Variants in SLPI observed in about 807,000 individuals in gnomAD.
SLPI encodes the protein antileukoproteinase.
In SLPI, 20 loss-of-function variants were observed where a neutral mutation model predicts 14.3. That is an observed-to-expected ratio of 1.40 (90% CI 0.99 to 2.04). The LOEUF (loss-of-function observed/expected upper bound fraction) is 2.04. Ranked by LOEUF, SLPI falls within the 30% of genes most tolerant of loss-of-function variation. SLPI has a pLI of 0.00. For synonymous variants in SLPI, 68 were observed against 54.8 expected (o/e 1.24, Z -1.07); for missense variants, 169 against 159.4 (o/e 1.06, Z -0.32).
Position 45,253,584 on chromosome 20 carries a change from G to C in SLPI, c.235C>G (p.Pro79Ala). Residue 79 changes from proline (P) to alanine (A), a missense_variant, in exon 2 of 4, where the codon CCA (proline) becomes GCA (alanine). Coordinates refer to ENST00000338380, the MANE Select transcript of SLPI (RefSeq NM_003064.4). ...GIKCLDPVDT[P>A]NPTRRKPGKC... ...TCCCCGACCTGCTTACTTGGGTTTG[G>C]GGTGTCAACAGGATCCAGGCATTTG... The C allele has an allele frequency of 6.2e-7, 1 of 1,613,668 alleles. No individual in the cohort carries two copies. The highest frequency in any genetic ancestry group is 8.5e-7 in the Non-Finnish European group (1 of 1,179,756).
chr20:45,252,876 G>T, intron 3 of SLPI, 126 bp downstream of exon 3: 1 of 999,402 alleles, frequency 1.0e-6, no homozygotes, highest in African/African-American at 1.6e-5. Context: ...TGAAGGACAA[G>T]GGAGTCAGAC....
intron 1 of SLPI, 123 bp from the exon 2 acceptor site, chr20:45,253,856 C>T: frequency 1.2e-6 from 1 of 810,628 alleles, no homozygotes; most frequent in South Asian, 1.8e-5. Context: ...CCACAAAGCC[C>T]AAAGGGTCAT....
chr20:45,253,488 C>A, intron 2 of SLPI, 87 bp downstream of exon 2: 1 of 1,285,140 alleles, frequency 7.8e-7, no homozygotes, highest in Non-Finnish European at 1.1e-6. Flanking sequence ...GACAAGGAGG[C>A]CTGGCAGGAC....
chr20:45,254,069 GAGA>G (rs758317274), intron 1 of SLPI, among the ~76,000 whole-genome samples: 26 of 152,152 alleles, frequency 1.7e-4, no homozygotes, highest in Non-Finnish European at 3.5e-4. Context: ...GAACCAGTGT[GAGA>G]GAAGTTGAGA....
chr20:45,252,359 G>T lies in SLPI; in HGVS notation c.*56C>A, dbSNP rs374921640. The stretch of plus-strand genomic sequence containing the variant: ...AGTGGTGGAGCCAAGTCTCAGGGTG[G>T]AAAGGACCTGGACCACACAGAGCAG... On this transcript the variant is annotated 3_prime_UTR_variant, in exon 4 of 4. Coordinates refer to ENST00000338380, the MANE Select transcript of SLPI (RefSeq NM_003064.4). The T allele has an allele frequency of 9.4e-6, 15 of 1,596,114 alleles. No individual in the cohort carries two copies. In the African/African-American group the frequency reaches 2.0e-4, roughly 22 times the overall value.
rs756901663 is a variant in SLPI, at chr20:45,252,376, A to G, written c.*39T>C. The G allele has an allele frequency of 2.5e-6, 4 of 1,612,006 alleles. No homozygotes were observed. In the South Asian group the frequency reaches 3.3e-5, roughly 13 times the overall value. On this transcript the variant is annotated 3_prime_UTR_variant, in exon 4 of 4. Transcript: ENST00000338380. ...TCAGGGTGGAAAGGACCTGGACCAC[A>G]CAGAGCAGGACTCCAGAGCCTCCTC...
rs762852380 is a variant in SLPI, at chr20:45,254,502, G to A, written c.42C>T (p.Ala14=). The A allele has an allele frequency of 1.2e-6, 2 of 1,614,142 alleles. No homozygotes were observed. Among genetic ancestry groups the A allele is most frequent in the South Asian group, 1.1e-5 (1 of 91,068 alleles). The change falls in exon 1 of 4, where the codon GCC becomes GCT. Residue 14 remains alanine (A), a synonymous_variant. Transcript: ENST00000338380. ...CAGCCCAAGGTGCCAGAGTTCCCAG[G>A]GCAAGCAGCACCAGGAAGGGGAAGA... The part of the protein sequence containing the change: ...SGLFPFLVLL[A]LGTLAPWAVE...
At chr20:45,252,668 A>G (rs16989882) in intron 3 of SLPI, among the ~76,000 whole-genome samples, 9,820 of 152,254 alleles carry the variant, frequency 0.064, 519 homozygotes, top group Admixed American at 0.17. Flanking sequence ...TGATGGAAAC[A>G]ACCTGAATAA....
In SLPI at chr20:45,253,585, G is replaced by A. The variant is rs1264992403; in HGVS notation, c.234C>T (p.Thr78=). 1 of 1,613,584 alleles carries A rather than the reference G, an allele frequency of 6.2e-7. No individual in the cohort carries two copies. The highest frequency in any genetic ancestry group is 1.3e-5 in the African/African-American group (1 of 74,896). ...CCCCGACCTGCTTACTTGGGTTTGG[G>A]GTGTCAACAGGATCCAGGCATTTGA... The part of the protein sequence containing the change: ...CGIKCLDPVD[T]PNPTRRKPGK... Residue 78 remains threonine, a synonymous_variant, in exon 2 of 4, where the codon ACC becomes ACT. Transcript: ENST00000338380.
chr20:45,253,256 C>A, intron 2 of SLPI, 105 bp from the exon 3 acceptor site: 1 of 1,320,142 alleles, frequency 7.6e-7, no homozygotes, highest in South Asian at 1.4e-5. Flanking sequence ...CAGGGGGGAT[C>A]ATCCCCTCCC....
chr20:45,252,962 G>C, intron 3 of SLPI, 40 bp downstream of exon 3: 1 of 1,602,836 alleles, frequency 6.2e-7, no homozygotes, highest in South Asian at 1.1e-5. Context: ...GAGGCTGAGA[G>C]GGCTGGAGGG....
chr20:45,253,257 AT>A, intron 2 of SLPI, 106 bp from the exon 3 acceptor site: 1 of 1,326,664 alleles, frequency 7.5e-7, no homozygotes, highest in Non-Finnish European at 1.0e-6. Context: ...AGGGGGGATC[AT>A]CCCCTCCCCA....
chr20:45,252,676 T>C (rs1946990400), intron 3 of SLPI, among the ~76,000 whole-genome samples: 1 of 152,190 alleles, frequency 6.6e-6, no homozygotes, highest in South Asian at 2.1e-4. Context: ...ACAACCTGAA[T>C]AATAAATTCT....
Position 45,252,394 on chromosome 20 carries a change from GCCT to G in SLPI, c.*18_*20del. The G allele has an allele frequency of 6.2e-7, 1 of 1,613,434 alleles. No individual in the cohort carries two copies. Among genetic ancestry groups the G allele is most frequent in the Middle Eastern group, 1.7e-4 (1 of 6,060 alleles). On this transcript the variant is annotated 3_prime_UTR_variant, in exon 4 of 4. Coordinates refer to ENST00000338380, the MANE Select transcript of SLPI (RefSeq NM_003064.4). ...GGACCACACAGAGCAGGACTCCAGA[GCCT>G]CCTCCATATGGCAGGAATCAAGCTG...
chr20:45,253,242 T>G, intron 2 of SLPI, 91 bp from the exon 3 acceptor site: 1 of 1,452,606 alleles, frequency 6.9e-7, no homozygotes, highest in Non-Finnish European at 9.4e-7. Context: ...TGCTCCAGCT[T>G]CAGCAGGGGG....
rs1361260219 is a variant in SLPI, at chr20:45,252,983, G to T, written c.394+19C>A. On this transcript the variant is annotated intron_variant, in intron 3 of 3. Transcript: ENST00000338380. ...GAGAGGGCTGGAGGGAGCTCAGTGT[G>T]CCCTCATCCCCTGCTTACCTTTCAC... The T allele has an allele frequency of 1.9e-6, 3 of 1,611,490 alleles. No individual in the cohort carries two copies. The highest frequency in any genetic ancestry group is 2.5e-6 in the Non-Finnish European group (3 of 1,178,734).
At chr20:45,252,545 G>T in intron 3 of SLPI, 126 bp from the exon 4 acceptor site, 1 of 928,854 alleles carries the variant, frequency 1.1e-6, no homozygotes, top group Non-Finnish European at 1.7e-6. Flanking sequence ...AGTTGAGAGA[G>T]ACTTAGTGTC....
At chr20:45,253,830 T>C (rs547048242) in intron 1 of SLPI, 97 bp from the exon 2 acceptor site, 8 of 1,103,410 alleles carry the variant, frequency 7.3e-6, no homozygotes, top group African/African-American at 3.1e-5. Flanking sequence ...GGAGAGACCC[T>C]TACCTCAGTA....
Position 45,252,988 on chromosome 20 carries a change from C to A in SLPI, c.394+14G>T, listed in dbSNP as rs747892779. 7.4e-6 allele frequency: 12 copies of A among 1,612,248 alleles called. No homozygotes were observed. Among genetic ancestry groups the A allele is most frequent in the Admixed American group, 3.3e-5 (2 of 59,906 alleles). On this transcript the variant is annotated intron_variant, in intron 3 of 3. Transcript: ENST00000338380. The stretch of plus-strand genomic sequence containing the variant: ...GGCTGGAGGGAGCTCAGTGTGCCCT[C>A]ATCCCCTGCTTACCTTTCACAGGGG...
Sources: allele counts gnomAD v4.1 joint callset (sites outside exome capture counted in the v4.1 genomes callset), GRCh38; gene constraint gnomAD v4.1.1; transcripts MANE v1.5; gene names NCBI Gene and HGNC (gene_info 2026-07-23, HGNC 2026-07-21).